Variants in KCNJ5 observed in about 807,000 individuals in gnomAD.
KCNJ5 encodes the protein G protein-activated inward rectifier potassium channel 4.
KCNJ5 carries 12 observed loss-of-function variants against 20.2 expected under a neutral mutation model. The observed-to-expected ratio is 0.59, with a 90% confidence interval of 0.38 to 0.96. KCNJ5 has a LOEUF of 0.96. KCNJ5 is among the 40% of genes least tolerant of loss of function. The pLI, the probability that KCNJ5 is intolerant of heterozygous loss-of-function variation, is 0.00. For synonymous variants in KCNJ5, 210 were observed against 213.9 expected (o/e 0.98, Z 0.16); for missense variants, 449 against 557.6 (o/e 0.81, Z 1.96).
chr11:128,916,941 C>T lies in KCNJ5; in HGVS notation c.*210C>T. On this transcript the variant is annotated 3_prime_UTR_variant, in exon 3 of 3. Transcript: ENST00000529694. ...GGCATCCTGCCTGGGCCCCCCATGG[C>T]AGTGCTGCCTCTTGTAGGTGCTGGC... 3.6e-6 allele frequency: 2 copies of T among 558,778 alleles called. No homozygotes were observed. Among genetic ancestry groups the T allele is most frequent in the South Asian group, 4.9e-5 (2 of 40,928 alleles). 34.6% of individuals were successfully genotyped at this position (558,778 alleles called of 1,614,324 possible). A position where few individuals can be genotyped will look rare whatever the true frequency, so the allele number is the denominator to read the frequency against.
chr11:128,903,857 G>C (rs1043816625), intron 1 of KCNJ5, among the ~76,000 whole-genome samples: 1 of 152,072 alleles, frequency 6.6e-6, no homozygotes, highest in Non-Finnish European at 1.5e-5. Flanking sequence ...TGTGCACAGC[G>C]GACCACATGG....
intron 1 of KCNJ5, 74 bp downstream of exon 1, chr11:128,891,795 G>A (rs143275941): frequency 1.3e-5 from 2 of 152,430 alleles, no homozygotes; most frequent in Admixed American, 1.3e-4. Context: ...ACACCCTCAG[G>A]TGTCCATCAC....
Position 128,891,437 on chromosome 11 carries a change from C to CAGAAAGAGAGAGAGAG in KCNJ5, c.-294_-293insGAAAGAGAGAGAGAGA, listed in dbSNP as rs886047996. ...ACACACACACACACACACACACACA[C>CAGAAAGAGAGAGAGAG]ACACAGAGAGAGAGAGAGAGAGAGA... On this transcript the variant is annotated 5_prime_UTR_variant, in exon 1 of 3. Transcript: ENST00000529694. 1.3e-5 allele frequency: 1 copy of CAGAAAGAGAGAGAGAG among 74,426 alleles called. No individual in the cohort carries two copies. The highest frequency in any genetic ancestry group is 6.3e-5 in the African/African-American group (1 of 15,968). 4.6% of individuals were successfully genotyped at this position (74,426 alleles called of 1,614,324 possible).
intron 2 of KCNJ5, among the ~76,000 whole-genome samples, chr11:128,912,680 T>A (rs566980358): frequency 1.3e-5 from 2 of 152,174 alleles, no homozygotes; most frequent in East Asian, 3.9e-4. Flanking sequence ...CTGGCTAATT[T>A]TTGTATTTTT....
chr11:128,908,933 A>T (rs1018029808), intron 1 of KCNJ5, among the ~76,000 whole-genome samples: 1 of 152,196 alleles, frequency 6.6e-6, no homozygotes, highest in African/African-American at 2.4e-5. Context: ...CTCCCACTTA[A>T]GGCAGAGCAA....
At chr11:128,902,343 ATC>A in intron 1 of KCNJ5, 1 of 629,628 alleles carries the variant, frequency 1.6e-6, no homozygotes, top group Non-Finnish European at 2.7e-6. Flanking sequence ...GCAGTCAGAC[ATC>A]TCTCCCCATT....
chr11:128,908,355 C>T (rs938943149), intron 1 of KCNJ5, among the ~76,000 whole-genome samples: 6 of 152,166 alleles, frequency 3.9e-5, no homozygotes, highest in African/African-American at 1.4e-4. Context: ...GCAGAGTAAA[C>T]TGAGGCAAAG....
At chr11:128,904,520 G>A in intron 1 of KCNJ5, 1 of 1,502,856 alleles carries the variant, frequency 6.7e-7, no homozygotes, top group Non-Finnish European at 9.3e-7. Flanking sequence ...CCAGGGCGGA[G>A]AGGTCGTGCT....
In KCNJ5 at chr11:128,919,557, A is replaced by G. The variant is rs1286538526; in HGVS notation, c.*2826A>G. ...TTCCTGGTGACCAACTGATGCAATG[A>G]AAGTTTGAAAAGTTCTTCATTTTCT... On this transcript the variant is annotated 3_prime_UTR_variant, in exon 3 of 3. Coordinates refer to ENST00000529694, the MANE Select transcript of KCNJ5 (RefSeq NM_000890.5). 5.3e-5 allele frequency: 8 copies of G among 152,276 alleles called. No individual in the cohort carries two copies. The highest frequency in any genetic ancestry group is 1.9e-4 in the African/African-American group (8 of 41,468). 9.4% of individuals were successfully genotyped at this position (152,276 alleles called of 1,614,324 possible).
At chr11:128,894,297 T>C (rs1248194872) in intron 1 of KCNJ5, among the ~76,000 whole-genome samples, 2 of 152,214 alleles carry the variant, frequency 1.3e-5, no homozygotes, top group African/African-American at 4.8e-5. Context: ...TTATGCTTTT[T>C]GTTTAGGAGA....
chr11:128,902,650 C>T (rs1201588869), intron 1 of KCNJ5: 2 of 1,614,014 alleles, frequency 1.2e-6, no homozygotes, highest in Admixed American at 3.3e-5. Context: ...TTGAGTTCTC[C>T]TCTTCCTGCC....
chr11:128,912,326 A>G, intron 2 of KCNJ5, 116 bp downstream of exon 2: 3 of 812,800 alleles, frequency 3.7e-6, no homozygotes, highest in African/African-American at 1.7e-5. Context: ...GGCGCAGGCA[A>G]CACATTCAAT....
chr11:128,916,168 C>T (rs1386797116), intron 2 of KCNJ5, among the ~76,000 whole-genome samples: 1 of 113,236 alleles, frequency 8.8e-6, no homozygotes, highest in African/African-American at 3.4e-5. Context: ...CCTTTCCTGC[C>T]TTTTTTTCCA....
At chr11:128,913,223 G>A (rs1174357937) in intron 2 of KCNJ5, among the ~76,000 whole-genome samples, 1 of 152,218 alleles carries the variant, frequency 6.6e-6, no homozygotes, top group Non-Finnish European at 1.5e-5. Context: ...CCAGCCCTCA[G>A]CATTCTTGCA....
chr11:128,916,824 G>A lies in KCNJ5; in HGVS notation c.*93G>A, dbSNP rs1591454321. 3.0e-6 allele frequency: 3 copies of A among 991,498 alleles called. No homozygotes were observed. In the African/African-American group the frequency reaches 4.9e-5, roughly 16 times the overall value. 61.4% of individuals were successfully genotyped at this position (991,498 alleles called of 1,614,324 possible). On this transcript the variant is annotated 3_prime_UTR_variant, in exon 3 of 3. Transcript: ENST00000529694. Reference sequence around the variant, plus strand: ...GCAGGGGAGGGGAATAGTTGAGTGTGCTGTTTGGGGGCTCAGGAGCCATCA... The same window carrying A: ...GCAGGGGAGGGGAATAGTTGAGTGTACTGTTTGGGGGCTCAGGAGCCATCA...
chr11:128,910,741 G>C (rs748668449), intron 1 of KCNJ5, among the ~76,000 whole-genome samples: 5 of 152,194 alleles, frequency 3.3e-5, no homozygotes, highest in Non-Finnish European at 5.9e-5. Context: ...AGAACAAAAT[G>C]AACACAAACT....
At chr11:128,893,650 C>G (rs1591436460) in intron 1 of KCNJ5, among the ~76,000 whole-genome samples, 1 of 152,008 alleles carries the variant, frequency 6.6e-6, no homozygotes, top group Non-Finnish European at 1.5e-5. Context: ...AAGTAGCCTG[C>G]CTGTGCTCTA....
chr11:128,919,526 A>G lies in KCNJ5; in HGVS notation c.*2795A>G, dbSNP rs1372963676. On this transcript the variant is annotated 3_prime_UTR_variant, in exon 3 of 3. Transcript: ENST00000529694. ...GACTCCCCCTTCACATCCTGAGGAA[A>G]TCCCCTTCCTGGTGACCAACTGATG... The G allele has an allele frequency of 6.6e-6, 1 of 152,280 alleles. No individual in the cohort carries two copies. Among genetic ancestry groups the G allele is most frequent in the Non-Finnish European group, 1.5e-5 (1 of 68,060 alleles). 9.4% of individuals were successfully genotyped at this position (152,280 alleles called of 1,614,324 possible).
intron 1 of KCNJ5, chr11:128,903,495 G>A (rs761435667): frequency 1.2e-6 from 2 of 1,614,164 alleles, no homozygotes; most frequent in East Asian, 2.2e-5. Context: ...CCTCACTCCT[G>A]ACAGAGGCAG....
Sources: gnomAD v4.1 joint callset for allele counts (sites outside exome capture counted in the v4.1 genomes callset) on GRCh38, gnomAD v4.1.1 for gene constraint, MANE v1.5 for transcripts, NCBI Gene and HGNC (gene_info 2026-07-23, HGNC 2026-07-21) for gene names.